ARHGAP23: variants seen among roughly 807,000 people sequenced by gnomAD.
ARHGAP23 encodes the protein Rho GTPase activating protein 23.
A neutral mutation model predicts 136.3 loss-of-function variants in ARHGAP23; 34 were observed. That is an observed-to-expected ratio of 0.25 (90% CI 0.19 to 0.33). The LOEUF (loss-of-function observed/expected upper bound fraction) is 0.33, where lower values mean the gene tolerates loss of function less well. Ranked by LOEUF, ARHGAP23 falls within the 10% of genes least tolerant of loss-of-function variation. The pLI, the probability that ARHGAP23 is intolerant of heterozygous loss-of-function variation, is 1.00. For synonymous variants in ARHGAP23, 832 were observed against 920.5 expected (o/e 0.90, Z 1.74); for missense variants, 1,808 against 2,139.0 (o/e 0.85, Z 3.05).
chr17:38,448,293 C>T (rs2039078834), intron 1 of ARHGAP23, among the ~76,000 whole-genome samples: 1 of 152,106 alleles, frequency 6.6e-6, no homozygotes, highest in Non-Finnish European at 1.5e-5. Context: ...GTCACCGTGT[C>T]TTTGTGTATC....
chr17:38,431,496 C>T (rs934225683), intron 1 of ARHGAP23, among the ~76,000 whole-genome samples: 9 of 152,256 alleles, frequency 5.9e-5, no homozygotes, highest in African/African-American at 2.2e-4. Flanking sequence ...TCCCCTAGCA[C>T]CCTCCACCCG....
intron 20 of ARHGAP23, among the ~76,000 whole-genome samples, chr17:38,494,667 G>A (rs2144767886): frequency 6.6e-6 from 1 of 152,254 alleles, no homozygotes; most frequent in South Asian, 2.1e-4. Flanking sequence ...TGTGCTCTGG[G>A]CTATGCCCAA....
At chr17:38,420,647 A>T (rs1047357577) in intron 1 of ARHGAP23, among the ~76,000 whole-genome samples, 1 of 152,018 alleles carries the variant, frequency 6.6e-6, no homozygotes, top group Non-Finnish European at 1.5e-5. Context: ...GGAGAGGGGC[A>T]CTGGGAGGCA....
intron 23 of ARHGAP23, among the ~76,000 whole-genome samples, chr17:38,503,713 C>A (rs2040569875): frequency 6.6e-6 from 1 of 152,234 alleles, no homozygotes; most frequent in African/African-American, 2.4e-5. Flanking sequence ...CCAGTCTGGG[C>A]CTGCCTGACT....
chr17:38,483,033 T>C (rs562198054), intron 16 of ARHGAP23, among the ~76,000 whole-genome samples: 17 of 152,282 alleles, frequency 1.1e-4, no homozygotes, highest in African/African-American at 4.1e-4. Flanking sequence ...TGCTCAATGG[T>C]GTAGACGCGG....
At position 38,510,467 on chromosome 17, in the gene ARHGAP23, C is replaced by T. The variant is rs1172793069; in HGVS notation, c.3971C>T (p.Ala1324Val). ...GACACTCTGGCGCGCCGCCGCCTGGCCCGGGGCCGCCCAGACGGCGAGGGC... is the reference window on the plus strand; with the variant it reads ...GACACTCTGGCGCGCCGCCGCCTGGTCCGGGGCCGCCCAGACGGCGAGGGC... ...PCDTLARRRL[A>V]RGRPDGEGAG... The change falls in exon 24 of 24, where the codon GCC becomes GTC. Residue 1324 changes from alanine to valine, a missense_variant. By Grantham distance (64) the Ala-to-Val change is moderately conservative. Coordinates refer to ENST00000622683, the MANE Select transcript of ARHGAP23 (RefSeq NM_001199417.2). This position sits in a 1 kb window ranked among gnomAD's most constrained non-coding sequence, Gnocchi z 4.6. 5 of 1,200,620 alleles carry T rather than the reference C, an allele frequency of 4.2e-6. No homozygotes were observed. The highest frequency in any genetic ancestry group is 4.1e-5 in the South Asian group (1 of 24,138). 74.4% of individuals were successfully genotyped at this position (1,200,620 alleles called of 1,614,324 possible).
chr17:38,500,981 C>G, intron 23 of ARHGAP23: 1 of 272,556 alleles, frequency 3.7e-6, no homozygotes, highest in Non-Finnish European at 6.9e-6. Context: ...TAACCACTTT[C>G]TGATCCTTAG....
intron 1 of ARHGAP23, among the ~76,000 whole-genome samples, chr17:38,440,567 A>G (rs1426226622): frequency 6.6e-6 from 1 of 152,142 alleles, no homozygotes; most frequent in African/African-American, 2.4e-5. Context: ...TGCAGTTGGG[A>G]CCTGAAACCT....
At chr17:38,488,658 C>T (rs1046548026) in intron 17 of ARHGAP23, among the ~76,000 whole-genome samples, 14 of 152,054 alleles carry the variant, frequency 9.2e-5, no homozygotes, top group Non-Finnish European at 1.2e-4. Flanking sequence ...AAGCGATTCT[C>T]CTGCCTCAGT....
At chr17:38,433,239 G>A (rs753963297) in intron 1 of ARHGAP23, among the ~76,000 whole-genome samples, 5 of 152,182 alleles carry the variant, frequency 3.3e-5, no homozygotes, top group Non-Finnish European at 7.3e-5. Context: ...GGGATTACAG[G>A]TGTGAGCCAC....
intron 16 of ARHGAP23, among the ~76,000 whole-genome samples, chr17:38,483,386 G>C (rs2040090404): frequency 6.6e-6 from 1 of 152,260 alleles, no homozygotes; most frequent in African/African-American, 2.4e-5. Context: ...ACACTTAAGT[G>C]TTTCCAGCAA....
chr17:38,467,414 C>G, intron 7 of ARHGAP23, 83 bp downstream of exon 7: 4 of 1,344,176 alleles, frequency 3.0e-6, no homozygotes, highest in Non-Finnish European at 4.0e-6. Flanking sequence ...GCCTGTCTGC[C>G]ATGGGCAGAA....
Position 38,469,607 on chromosome 17 carries a change from A to T in ARHGAP23, c.1888A>T (p.Thr630Ser). 2 of 1,548,210 alleles carry T rather than the reference A, an allele frequency of 1.3e-6. No individual in the cohort carries two copies. Among genetic ancestry groups the T allele is most frequent in the Non-Finnish European group, 1.7e-6 (2 of 1,146,590 alleles). The change falls in exon 9 of 24, where the codon ACC (threonine) becomes TCC (serine). Residue 630 changes from threonine (T) to serine (S), a missense_variant. This residue lies in a region of ARHGAP23 where 859 missense variants were observed against 936.4 expected (regional missense o/e 0.92). Coordinates refer to ENST00000622683, the MANE Select transcript of ARHGAP23 (RefSeq NM_001199417.2). Reference protein sequence around the residue: ...RSKSCDDGLNTFRDEGRVLRR... With the variant: ...RSKSCDDGLNSFRDEGRVLRR... ...CAAGTCCTGCGATGATGGACTCAAC[A>T]CCTTCCGCGACGAGGGCCGGGTTCT... is the stretch of plus-strand genomic sequence containing the variant.
intron 20 of ARHGAP23, among the ~76,000 whole-genome samples, chr17:38,495,241 T>C (rs1236100320): frequency 6.0e-5 from 9 of 150,274 alleles, no homozygotes; most frequent in South Asian, 2.1e-4. Flanking sequence ...TTTTTTTTTT[T>C]TTTTTTTTGA....
chr17:38,478,322 G>C (rs1370881701), intron 12 of ARHGAP23, among the ~76,000 whole-genome samples: 1 of 152,200 alleles, frequency 6.6e-6, no homozygotes, highest in Non-Finnish European at 1.5e-5. Context: ...GCAGAAGGAT[G>C]AGCACATTGA....
chr17:38,479,282 G>A (rs1263704699), intron 12 of ARHGAP23, among the ~76,000 whole-genome samples, 154 bp from the exon 13 acceptor site: 1 of 152,130 alleles, frequency 6.6e-6, no homozygotes, highest in Non-Finnish European at 1.5e-5. Flanking sequence ...GCTGGTGAGA[G>A]GGTGCTGGGG....
At chr17:38,423,093 T>C (rs1300490425) in intron 1 of ARHGAP23, among the ~76,000 whole-genome samples, 2 of 152,170 alleles carry the variant, frequency 1.3e-5, no homozygotes, top group Non-Finnish European at 2.9e-5. Context: ...CTCAGCACCA[T>C]CCCAGGCACC....
chr17:38,442,386 C>T (rs537430625), intron 1 of ARHGAP23, among the ~76,000 whole-genome samples: 3 of 152,354 alleles, frequency 2.0e-5, no homozygotes, highest in African/African-American at 7.2e-5. Context: ...TTACCTCTAA[C>T]TCTCTGAGGA....
At chr17:38,437,956 C>T (rs1234670868) in intron 1 of ARHGAP23, among the ~76,000 whole-genome samples, 1 of 152,098 alleles carries the variant, frequency 6.6e-6, no homozygotes, top group African/African-American at 2.4e-5. Context: ...GCCCCTGCCT[C>T]CTCCAAAGAT....
Sources: gnomAD v4.1 joint callset for allele counts (sites outside exome capture counted in the v4.1 genomes callset) on GRCh38, gnomAD v4.1.1 for gene constraint, gnomAD v4.1.1 regional missense constraint, Gnocchi (gnomAD v3.1) non-coding constraint, MANE v1.5 for transcripts, NCBI Gene and HGNC (gene_info 2026-07-23, HGNC 2026-07-21) for gene names.